CPB1: variants seen among roughly 807,000 people sequenced by gnomAD.
CPB1 encodes carboxypeptidase B1.
In CPB1, 53 loss-of-function variants were observed where a neutral mutation model predicts 51.4. The observed-to-expected ratio is 1.03, with a 90% CI of 0.83 to 1.30. The LOEUF (loss-of-function observed/expected upper bound fraction) is 1.30, where lower values mean the gene tolerates loss of function less well. CPB1 is among the 50% of genes most tolerant of loss of function. CPB1 has a pLI of 0.00. For missense variants in CPB1, 494 were observed against 516.2 expected (o/e 0.96, Z 0.42); for synonymous variants, 189 against 186.9 (o/e 1.01, Z -0.09).
chr3:148,851,893 G>A (rs1713441705), intron 9 of CPB1: 1 of 152,178 alleles, frequency 6.6e-6, no homozygotes, highest in Non-Finnish European at 1.5e-5. Flanking sequence ...TGGAGCCAGG[G>A]ACCTGGAAAA....
chr3:148,831,056 C>T (rs1254564384), intron 2 of CPB1, among the ~76,000 whole-genome samples: 1 of 152,134 alleles, frequency 6.6e-6, no homozygotes, highest in Non-Finnish European at 1.5e-5. Flanking sequence ...CTTTTAAATG[C>T]TGAATATATT....
At position 148,860,124 on chromosome 3, in the gene CPB1, C is replaced by A; in HGVS notation, c.*122C>A. On this transcript the variant is annotated 3_prime_UTR_variant, in exon 11 of 11. Coordinates refer to ENST00000282957, the MANE Select transcript of CPB1 (RefSeq NM_001871.3). ...CAATCTTTCTTTTAAGCTTCTGGGT[C>A]TATTAAACTAGGTAGATCTTTTCGT... 2 of 871,004 alleles carry A rather than the reference C, an allele frequency of 2.3e-6. No individual in the cohort carries two copies. Among genetic ancestry groups the A allele is most frequent in the Non-Finnish European group, 3.5e-6 (2 of 564,940 alleles). 54.0% of individuals were successfully genotyped at this position (871,004 alleles called of 1,614,324 possible). A position where few individuals can be genotyped will look rare whatever the true frequency, so the allele number is the denominator to read the frequency against.
At chr3:148,840,542 T>G (rs1713044188) in intron 3 of CPB1, 144 bp from the exon 4 acceptor site, 2 of 689,204 alleles carry the variant, frequency 2.9e-6, no homozygotes, top group Non-Finnish European at 5.2e-6. Context: ...CTGAAGGTCA[T>G]CAGGAAGAAC....
At chr3:148,832,078 A>G (rs891022948) in intron 2 of CPB1, among the ~76,000 whole-genome samples, 2 of 152,152 alleles carry the variant, frequency 1.3e-5, no homozygotes, top group African/African-American at 2.4e-5. Flanking sequence ...CTCCATGTCA[A>G]ACTGAAATTT....
intron 9 of CPB1, among the ~76,000 whole-genome samples, chr3:148,847,925 T>C (rs1264675584): frequency 6.6e-6 from 1 of 152,202 alleles, no homozygotes; most frequent in Non-Finnish European, 1.5e-5. Context: ...TAATTTTCTC[T>C]ATTGATTAAG....
chr3:148,836,376 G>A (rs1241592448), intron 3 of CPB1, among the ~76,000 whole-genome samples: 3 of 152,132 alleles, frequency 2.0e-5, no homozygotes, highest in African/African-American at 7.2e-5. Context: ...GAAAAGGACA[G>A]CTAAAATTCT....
At chr3:148,854,659 C>T (rs1018456724) in intron 9 of CPB1, 1 of 152,150 alleles carries the variant, frequency 6.6e-6, no homozygotes, top group Non-Finnish European at 1.5e-5. Context: ...TTCATAATGC[C>T]CCTAAGCCAG....
intron 3 of CPB1, among the ~76,000 whole-genome samples, chr3:148,835,000 T>G (rs1712857533): frequency 6.6e-6 from 1 of 152,124 alleles, no homozygotes; most frequent in Admixed American, 6.5e-5. Flanking sequence ...CGAGACCTAT[T>G]GTGAGTTATG....
chr3:148,855,102 C>T (rs930143944), intron 9 of CPB1: 68 of 152,232 alleles, frequency 4.5e-4, no homozygotes, highest in African/African-American at 1.6e-3. Flanking sequence ...GAGACAAGGC[C>T]GGACCTGGTT....
At chr3:148,835,067 C>A (rs1038934992) in intron 3 of CPB1, among the ~76,000 whole-genome samples, 3 of 152,032 alleles carry the variant, frequency 2.0e-5, no homozygotes. Context: ...TCTGAATGGC[C>A]CTTCTGTCCT....
chr3:148,830,734 C>T (rs1712708339), intron 2 of CPB1, among the ~76,000 whole-genome samples: 1 of 152,006 alleles, frequency 6.6e-6, no homozygotes, highest in African/African-American at 2.4e-5. Context: ...TTTCATCTCT[C>T]AGTAGTAATA....
intron 3 of CPB1, among the ~76,000 whole-genome samples, chr3:148,836,854 G>A (rs1712920426): frequency 6.6e-6 from 1 of 152,078 alleles, no homozygotes; most frequent in Admixed American, 6.5e-5. Context: ...ATTTCCTGCT[G>A]GCAAAAATTT....
At chr3:148,857,706 G>A (rs1340940563) in intron 10 of CPB1, 165 bp downstream of exon 10, 2 of 504,500 alleles carry the variant, frequency 4.0e-6, no homozygotes, top group African/African-American at 2.0e-5. Flanking sequence ...AAAAAAAGGA[G>A]GGAAAGCCTG....
chr3:148,859,554 G>A lies in CPB1; in HGVS notation c.1067-261G>A, dbSNP rs571480548. ...TTTACCATAGCATACAAGCACACTG[G>A]GAATTTTGCATTACAGATTACGTAC... On this transcript the variant is annotated intron_variant, in intron 10 of 10. Coordinates refer to ENST00000282957, the MANE Select transcript of CPB1 (RefSeq NM_001871.3). Among the ~76,000 whole-genome samples the A allele has an allele frequency of 5.3e-5, 8 of 152,096 alleles. No individual in the cohort carries two copies. The South Asian group carries it at 1.7e-3, about 31-fold the overall frequency.
Position 148,841,822 on chromosome 3 carries a change from G to A in CPB1, c.475-1G>A. ...TTCCCTTTTCCTTTTGTTTGCAATA[G>A]GTTGGCAAAGCTGGACAAAATAAGC... On this transcript the variant is annotated splice_acceptor_variant, in intron 5 of 10. Transcript: ENST00000282957. LOFTEE classifies it high-confidence loss of function. The A allele has an allele frequency of 6.2e-7, 1 of 1,613,244 alleles. No individual in the cohort carries two copies. The highest frequency in any genetic ancestry group is 8.5e-7 in the Non-Finnish European group (1 of 1,179,300).
chr3:148,836,877 G>T (rs1330628545), intron 3 of CPB1, among the ~76,000 whole-genome samples: 1 of 152,094 alleles, frequency 6.6e-6, no homozygotes, highest in African/African-American at 2.4e-5. Flanking sequence ...AGTAGTGTTT[G>T]TATATAACAA....
At chr3:148,853,032 TC>T (rs1056827990) in intron 9 of CPB1, among the ~76,000 whole-genome samples, 1 of 152,176 alleles carries the variant, frequency 6.6e-6, no homozygotes, top group Non-Finnish European at 1.5e-5. Context: ...TTCTTATTGG[TC>T]CCTTGGTGTA....
At chr3:148,857,809 G>C (rs889016217) in intron 10 of CPB1, among the ~76,000 whole-genome samples, 2 of 152,114 alleles carry the variant, frequency 1.3e-5, no homozygotes, top group Non-Finnish European at 2.9e-5. Flanking sequence ...TGAAGCGGGA[G>C]AGTCACTTGA....
chr3:148,855,344 A>G (rs1268973689), intron 9 of CPB1: 1 of 152,128 alleles, frequency 6.6e-6, no homozygotes, highest in Non-Finnish European at 1.5e-5. Context: ...TTGCTTCAGC[A>G]TCAAAAAAAA....
Sources: gnomAD v4.1 joint callset for allele counts (sites outside exome capture counted in the v4.1 genomes callset) on GRCh38, gnomAD v4.1.1 for gene constraint, MANE v1.5 for transcripts, NCBI Gene and HGNC (gene_info 2026-07-23, HGNC 2026-07-21) for gene names.